The following IGFL4 variants were observed in gnomAD, a reference collection of about 807,000 sequenced individuals.
The protein encoded by IGFL4 is IGF like family member 4.
In IGFL4, 12 loss-of-function variants were observed where a neutral mutation model predicts 15.4. That is an observed-to-expected ratio of 0.78 (90% CI 0.50 to 1.26). IGFL4 has a LOEUF of 1.26. IGFL4 is among the 50% of genes most tolerant of loss of function. IGFL4 has a pLI of 0.00. For missense variants in IGFL4, 126 were observed against 147.8 expected, an observed-to-expected ratio of 0.85 and a Z score of 0.76; for synonymous variants, 54 against 55.9, an observed-to-expected ratio of 0.97 and a Z score of 0.16.
intron 1 of IGFL4, among the ~76,000 whole-genome samples, chr19:46,070,495 A>T (rs1969535521): frequency 6.9e-6 from 1 of 144,986 alleles, no homozygotes; most frequent in Admixed American, 6.9e-5. Flanking sequence ...TTTAATAACT[A>T]AAAAAAAAAA....
At chr19:46,048,380 C>T (rs149516784) in intron 2 of IGFL4, among the ~76,000 whole-genome samples, 6,039 of 152,282 alleles carry the variant, frequency 0.04, 184 homozygotes, top group Non-Finnish European at 0.062. Flanking sequence ...TGCCCTCTCT[C>T]ACCACTCCTA....
At chr19:46,057,822 A>G (rs760124857) in intron 2 of IGFL4, 4 of 152,196 alleles carry the variant, frequency 2.6e-5, no homozygotes, top group Non-Finnish European at 4.4e-5. Context: ...TCTCATTTAT[A>G]AAACCATCAG....
upstream of IGFL4, among the ~76,000 whole-genome samples, chr19:46,042,771 C>T (rs1271017214): frequency 6.6e-6 from 1 of 152,178 alleles, no homozygotes; most frequent in Admixed American, 6.6e-5. Flanking sequence ...GTAGAGAATC[C>T]AGCCTGTGGC....
chr19:46,044,647 T>C (rs1969280659), upstream of IGFL4, among the ~76,000 whole-genome samples: 1 of 152,196 alleles, frequency 6.6e-6, no homozygotes, highest in South Asian at 2.1e-4. Context: ...AGATTGTAGC[T>C]AGACTGCTTC....
chr19:46,075,805 T>TTA (rs1377341998), intron 1 of IGFL4, among the ~76,000 whole-genome samples: 1 of 152,174 alleles, frequency 6.6e-6, no homozygotes, highest in Non-Finnish European at 1.5e-5. Context: ...GGTGCTGTAT[T>TTA]TATATATATT....
chr19:46,040,933 G>T lies in IGFL4; in HGVS notation c.19+11C>A, dbSNP rs773107657. The T allele has an allele frequency of 6.3e-7, 1 of 1,589,344 alleles. No homozygotes were observed. Among genetic ancestry groups the T allele is most frequent in the Non-Finnish European group, 8.6e-7 (1 of 1,169,042 alleles). On this transcript the variant is annotated intron_variant, in intron 1 of 3. Transcript: ENST00000377697. The surrounding 1 kb of genome is among the most constrained non-coding windows in gnomAD (Gnocchi z 4.1). ...AGGGATTAGCTTAGCCTAGGGCTGG[G>T]GTCTCCTTACCAGAAATTCTGGGCA...
chr19:46,041,765 G>T (rs1969246016), upstream of IGFL4, among the ~76,000 whole-genome samples: 1 of 151,682 alleles, frequency 6.6e-6, no homozygotes, highest in Admixed American at 6.6e-5. Context: ...TAAGGCACAG[G>T]TATTAGAGCT....
chr19:46,050,123 C>A (rs1434884788), intron 2 of IGFL4, among the ~76,000 whole-genome samples: 3 of 152,192 alleles, frequency 2.0e-5, no homozygotes, highest in African/African-American at 7.2e-5. Flanking sequence ...GGGGAGAGGA[C>A]CACATCAAGG....
intron 1 of IGFL4, among the ~76,000 whole-genome samples, chr19:46,071,495 AC>A (rs1969545588): frequency 6.6e-6 from 1 of 152,220 alleles, no homozygotes; most frequent in African/African-American, 2.4e-5. Context: ...TGGTCCTGGA[AC>A]CAAATAAATA....
At chr19:46,042,341 C>T (rs1453322460), upstream of IGFL4, among the ~76,000 whole-genome samples, 2 of 152,218 alleles carry the variant, frequency 1.3e-5, no homozygotes, top group East Asian at 3.8e-4. Flanking sequence ...CACAGAACAG[C>T]TGCTGCGGAA....
chr19:46,056,507 A>G (rs528491257), intron 2 of IGFL4, among the ~76,000 whole-genome samples: 9 of 152,078 alleles, frequency 5.9e-5, no homozygotes, highest in Non-Finnish European at 1.0e-4. Flanking sequence ...CTCGCTCCCT[A>G]TGTATCCAGG....
At chr19:46,058,737 T>C (rs577247108) in intron 2 of IGFL4, 30 of 152,362 alleles carry the variant, frequency 2.0e-4, no homozygotes, top group African/African-American at 7.0e-4. Flanking sequence ...ACCATGTGGA[T>C]GCTGCCTAGG....
chr19:46,051,234 T>C (rs2146516005), intron 2 of IGFL4, among the ~76,000 whole-genome samples: 1 of 152,272 alleles, frequency 6.6e-6, no homozygotes. Context: ...GCACAAATCT[T>C]ACAGGACCTA....
intron 2 of IGFL4, among the ~76,000 whole-genome samples, chr19:46,047,783 C>T (rs1969310505): frequency 6.6e-6 from 1 of 152,074 alleles, no homozygotes; most frequent in African/African-American, 2.4e-5. Flanking sequence ...TAATAAATAG[C>T]CTACCAACCA....
chr19:46,043,341 T>C (rs1245157043), upstream of IGFL4, among the ~76,000 whole-genome samples: 1 of 152,198 alleles, frequency 6.6e-6, no homozygotes, highest in Non-Finnish European at 1.5e-5. Context: ...GTTTAGAATA[T>C]GGGGCTTTTT....
intron 2 of IGFL4, among the ~76,000 whole-genome samples, chr19:46,053,685 TA>T (rs1479523777): frequency 1.3e-5 from 2 of 152,198 alleles, no homozygotes; most frequent in African/African-American, 2.4e-5. Flanking sequence ...TTATAGTTTT[TA>T]AAGAACCTCC....
At chr19:46,061,258 CTTT>C (rs1969442451) in intron 1 of IGFL4, among the ~76,000 whole-genome samples, 1 of 152,166 alleles carries the variant, frequency 6.6e-6, no homozygotes, top group African/African-American at 2.4e-5. Context: ...ACACATTTCA[CTTT>C]TTTACACACC....
upstream of IGFL4, among the ~76,000 whole-genome samples, chr19:46,042,271 T>G (rs956646209): frequency 6.6e-6 from 1 of 152,216 alleles, no homozygotes; most frequent in Non-Finnish European, 1.5e-5. Flanking sequence ...TCAATATGCC[T>G]TCTCCTTTCC....
At chr19:46,052,773 T>C (rs2146517015) in intron 2 of IGFL4, among the ~76,000 whole-genome samples, 1 of 151,688 alleles carries the variant, frequency 6.6e-6, no homozygotes, top group South Asian at 2.1e-4. Context: ...AAATATCAAT[T>C]GCTTTGCAGA....
Sources: gnomAD v4.1 joint callset for allele counts (sites outside exome capture counted in the v4.1 genomes callset) on GRCh38, gnomAD v4.1.1 for gene constraint, Gnocchi (gnomAD v3.1) non-coding constraint, MANE v1.5 for transcripts, NCBI Gene and HGNC (gene_info 2026-07-23, HGNC 2026-07-21) for gene names.